Variants in DNAJC11 observed in about 807,000 individuals in gnomAD.
The protein encoded by DNAJC11 is dnaJ homolog subfamily C member 11.
DNAJC11 carries 15 observed loss-of-function variants against 78.6 expected under a neutral mutation model. The observed-to-expected ratio is 0.19, with a 90% CI of 0.13 to 0.29. The LOEUF (loss-of-function observed/expected upper bound fraction) is 0.29. DNAJC11 is among the 10% of genes least tolerant of loss of function. The probability of loss-of-function intolerance (pLI) is 1.00; values close to 1 mark genes in which losing one functional copy is unlikely to be tolerated. For missense variants in DNAJC11, 547 were observed against 709.6 expected (o/e 0.77, Z 2.60); for synonymous variants, 292 against 272.1 (o/e 1.07, Z -0.72).
chr1:6,663,377 G>A lies in DNAJC11; in HGVS notation c.378+4332C>T, dbSNP rs538913645. 4.6e-5 allele frequency among the ~76,000 whole-genome samples: 7 copies of A among 152,206 alleles called. 1 individual carries two copies. In the South Asian group the frequency reaches 8.3e-4, roughly 18 times the overall value. On this transcript the variant is annotated intron_variant, in intron 4 of 15. Coordinates refer to ENST00000377577, the MANE Select transcript of DNAJC11 (RefSeq NM_018198.4). ...TCACGAAGGAGGCAGCAATGAAGTCGGACAAGCTGCCTGGGATCAAGTTGC... is the reference window on the plus strand; with the variant it reads ...TCACGAAGGAGGCAGCAATGAAGTCAGACAAGCTGCCTGGGATCAAGTTGC...
Position 6,636,212 on chromosome 1 carries a change from C to G in DNAJC11, c.1559G>C (p.Gly520Ala). Reference sequence around the variant, plus strand: ...GAGCACTTTCAGGTTCTTCTCTTCCCCCACACACGGGTCATAAAAGCCAGG... The same window carrying G: ...GAGCACTTTCAGGTTCTTCTCTTCCGCCACACACGGGTCATAAAAGCCAGG... ...GLPGFYDPCV[G>A]EEKNLKVLYQ... The change falls in exon 15 of 16, where the codon GGG becomes GCG. Residue 520 changes from glycine to alanine, a missense_variant. Coordinates refer to ENST00000377577, the MANE Select transcript of DNAJC11 (RefSeq NM_018198.4). 1 of 1,614,154 alleles carries G rather than the reference C, an allele frequency of 6.2e-7. No homozygotes were observed. Among genetic ancestry groups the G allele is most frequent in the Non-Finnish European group, 8.5e-7 (1 of 1,180,038 alleles).
intron 10 of DNAJC11, among the ~76,000 whole-genome samples, chr1:6,640,443 A>C (rs1411161538): frequency 6.6e-6 from 1 of 152,244 alleles, no homozygotes; most frequent in Non-Finnish European, 1.5e-5. Context: ...AAGTTAGTGA[A>C]GACTTCAAAA....
At chr1:6,676,502 A>G (rs1205796362) in intron 3 of DNAJC11, among the ~76,000 whole-genome samples, 1 of 151,932 alleles carries the variant, frequency 6.6e-6, no homozygotes, top group East Asian at 1.9e-4. Context: ...CAACATAGAA[A>G]GACCCCATCT....
intron 4 of DNAJC11, among the ~76,000 whole-genome samples, chr1:6,662,296 T>A (rs986821106): frequency 6.6e-6 from 1 of 151,928 alleles, no homozygotes; most frequent in Non-Finnish European, 1.5e-5. Flanking sequence ...CAGGTTCAAG[T>A]GATTCTCCTG....
At chr1:6,695,563 G>A (rs551326913) in intron 1 of DNAJC11, among the ~76,000 whole-genome samples, 45 of 146,284 alleles carry the variant, frequency 3.1e-4, no homozygotes, top group East Asian at 2.0e-3. Flanking sequence ...AGGCCGAGGC[G>A]GATGGATCAC....
intron 12 of DNAJC11, chr1:6,637,721 C>T (rs1641804034): frequency 3.3e-6 from 2 of 605,170 alleles, no homozygotes; most frequent in South Asian, 2.0e-5. Context: ...GTGAGAAGCA[C>T]CTGAAACGGC....
At chr1:6,665,804 C>T (rs1216457311) in intron 4 of DNAJC11, among the ~76,000 whole-genome samples, 18 of 152,160 alleles carry the variant, frequency 1.2e-4, no homozygotes, top group Admixed American at 1.1e-3. Flanking sequence ...AACCTCCAGC[C>T]AGAACATCAA....
At chr1:6,697,256 C>A (rs1642852012) in intron 1 of DNAJC11, among the ~76,000 whole-genome samples, 1 of 152,186 alleles carries the variant, frequency 6.6e-6, no homozygotes, top group African/African-American at 2.4e-5. Context: ...GATCATGTGT[C>A]TTGTCATAGG....
intron 10 of DNAJC11, among the ~76,000 whole-genome samples, chr1:6,640,555 G>A (rs1349074715): frequency 6.6e-6 from 1 of 152,204 alleles, no homozygotes; most frequent in Non-Finnish European, 1.5e-5. Context: ...AATTTGGCCA[G>A]GCGTGGTGGC....
Position 6,634,553 on chromosome 1 carries a change from C to G in DNAJC11, c.*1122G>C, listed in dbSNP as rs748998390. 1.5e-6 allele frequency: 2 copies of G among 1,365,040 alleles called. No homozygotes were observed. Among genetic ancestry groups the G allele is most frequent in the Non-Finnish European group, 2.0e-6 (2 of 1,021,528 alleles). The allele number at this position is 1,365,040 out of a possible 1,614,324, so 84.6% of individuals were successfully genotyped here. A position where few individuals can be genotyped will look rare whatever the true frequency, so the allele number is the denominator to read the frequency against. On this transcript the variant is annotated 3_prime_UTR_variant, in exon 16 of 16. Transcript: ENST00000377577. The stretch of plus-strand genomic sequence containing the variant: ...AGCCACCACCTGTGCGGCGCTTGCT[C>G]CGAGGGGTCAGCAAGAGCAACTGAT...
chr1:6,686,337 TA>T (rs1258474909), intron 1 of DNAJC11, among the ~76,000 whole-genome samples: 1 of 152,154 alleles, frequency 6.6e-6, no homozygotes, highest in Non-Finnish European at 1.5e-5. Flanking sequence ...CTTAAGAATG[TA>T]AAGGAATCCT....
At chr1:6,683,820 A>G (rs1005306840) in intron 1 of DNAJC11, among the ~76,000 whole-genome samples, 2 of 152,164 alleles carry the variant, frequency 1.3e-5, no homozygotes, top group Non-Finnish European at 2.9e-5. Flanking sequence ...TTCTATTTCT[A>G]TAAAAATACA....
chr1:6,668,168 C>T (rs543063976), intron 3 of DNAJC11: 26 of 198,322 alleles, frequency 1.3e-4, no homozygotes, highest in African/African-American at 5.9e-4. Context: ...GACGGAGTCT[C>T]GCTCTGTCGC....
intron 11 of DNAJC11, 126 bp downstream of exon 11, chr1:6,639,776 A>G (rs1315814470): frequency 2.3e-5 from 23 of 1,007,156 alleles, no homozygotes; most frequent in South Asian, 3.7e-5. Flanking sequence ...AGTGCTTTAC[A>G]TGCATTACTT....
chr1:6,689,381 G>C (rs1642705594), intron 1 of DNAJC11, among the ~76,000 whole-genome samples: 1 of 152,218 alleles, frequency 6.6e-6, no homozygotes, highest in South Asian at 2.1e-4. Flanking sequence ...AGCATTCCAG[G>C]GTTTTGGCTC....
At chr1:6,673,095 C>G (rs1642405969) in intron 3 of DNAJC11, among the ~76,000 whole-genome samples, 1 of 142,832 alleles carries the variant, frequency 7.0e-6, no homozygotes, top group Non-Finnish European at 1.5e-5. Context: ...ACTCGGGAGG[C>G]TGAGGCAGGA....
chr1:6,699,297 TAAAC>T (rs1028248670), intron 1 of DNAJC11, among the ~76,000 whole-genome samples: 1 of 152,252 alleles, frequency 6.6e-6, no homozygotes, highest in East Asian at 1.9e-4. Context: ...ACCCTGTCTC[TAAAC>T]AAACAAACAA....
chr1:6,651,931 G>GC (rs1487266528), intron 6 of DNAJC11, among the ~76,000 whole-genome samples: 15 of 138,224 alleles, frequency 1.1e-4, no homozygotes, highest in Non-Finnish European at 1.9e-4. Flanking sequence ...TCCCGGCGCA[G>GC]CCCCCCGCCA....
intron 4 of DNAJC11, among the ~76,000 whole-genome samples, chr1:6,666,894 G>T (rs905618593): frequency 3.3e-5 from 5 of 152,170 alleles, no homozygotes; most frequent in Non-Finnish European, 7.3e-5. Context: ...TGGCCACAGT[G>T]ATAGGGTCTG....
Sources: gnomAD v4.1 joint callset for allele counts (sites outside exome capture counted in the v4.1 genomes callset) on GRCh38, gnomAD v4.1.1 for gene constraint, MANE v1.5 for transcripts, NCBI Gene and HGNC (gene_info 2026-07-23, HGNC 2026-07-21) for gene names.